The following CCM2 variants were observed in gnomAD, a reference collection of about 807,000 sequenced individuals.
The protein encoded by CCM2 is cerebral cavernous malformations 2 protein.
CCM2 carries 25 observed loss-of-function variants against 44.9 expected under a neutral mutation model. The ratio of observed to expected loss-of-function variants is 0.56; its 90% CI spans 0.41 to 0.78. The LOEUF (loss-of-function observed/expected upper bound fraction) is 0.78. CCM2 is among the 30% of genes least tolerant of loss of function. CCM2 has a pLI of 0.00. For synonymous variants in CCM2, 219 were observed against 241.1 expected (o/e 0.91, Z 0.85); for missense variants, 481 against 580.6 (o/e 0.83, Z 1.76).
intron 8 of CCM2, chr7:45,073,966 A>G: frequency 1.8e-6 from 1 of 546,904 alleles, no homozygotes; most frequent in East Asian, 3.2e-5. Context: ...GGGCACAGGC[A>G]TTGGCCCCGG....
chr7:45,061,182 A>T (rs1372544858), intron 2 of CCM2, among the ~76,000 whole-genome samples: 1 of 152,104 alleles, frequency 6.6e-6, no homozygotes, highest in African/African-American at 2.4e-5. Flanking sequence ...GGTCCTGTTG[A>T]TGTGGCTTTC....
chr7:45,034,401 C>T lies in CCM2; in HGVS notation c.31-3852C>T, dbSNP rs1340754970. Among the ~76,000 whole-genome samples, 48 of 150,998 alleles carry T rather than the reference C, an allele frequency of 3.2e-4. 1 individual carries two copies. The highest frequency in any genetic ancestry group is 2.8e-3 in the Admixed American group (43 of 15,142). On this transcript the variant is annotated intron_variant, in intron 1 of 9. Transcript: ENST00000258781. ...TAATTTTTGGTATTTTAAGTAGTGACGGGGTTTCACCATCTTGGCCAGGCT... is the reference window on the plus strand; with the variant it reads ...TAATTTTTGGTATTTTAAGTAGTGATGGGGTTTCACCATCTTGGCCAGGCT...
chr7:45,049,911 C>T (rs533656007), intron 2 of CCM2, among the ~76,000 whole-genome samples: 28 of 152,256 alleles, frequency 1.8e-4, no homozygotes, highest in Non-Finnish European at 3.2e-4. Context: ...TTAAAAAATA[C>T]AGTGTAACAA....
intron 1 of CCM2, among the ~76,000 whole-genome samples, chr7:45,033,877 A>G (rs1450798201): frequency 6.6e-6 from 1 of 152,188 alleles, no homozygotes; most frequent in East Asian, 1.9e-4. Context: ...GTTTTTAGTG[A>G]GGCTAGAGAA....
intron 1 of CCM2, among the ~76,000 whole-genome samples, chr7:45,031,990 A>G (rs1796991498): frequency 6.6e-6 from 1 of 151,934 alleles, no homozygotes; most frequent in Non-Finnish European, 1.5e-5. Context: ...TGTCCCTCCT[A>G]CCACCCCCTG....
At chr7:45,037,759 C>T (rs1797295630) in intron 1 of CCM2, among the ~76,000 whole-genome samples, 2 of 152,114 alleles carry the variant, frequency 1.3e-5, no homozygotes, top group African/African-American at 2.4e-5. Context: ...TCAACACACT[C>T]AGTGTCCCCA....
intron 2 of CCM2, among the ~76,000 whole-genome samples, chr7:45,042,447 C>T (rs775454730): frequency 5.9e-5 from 9 of 152,110 alleles, no homozygotes; most frequent in South Asian, 2.1e-4. Context: ...GCTGAGCAAA[C>T]GCCAAACAAG....
At chr7:45,024,995 C>G (rs1264074656) in intron 1 of CCM2, among the ~76,000 whole-genome samples, 1 of 152,160 alleles carries the variant, frequency 6.6e-6, no homozygotes, top group Non-Finnish European at 1.5e-5. Flanking sequence ...AACTGTTAGA[C>G]TCGATGGACC....
intron 2 of CCM2, among the ~76,000 whole-genome samples, chr7:45,059,653 G>A (rs906131414): frequency 5.9e-5 from 9 of 152,020 alleles, no homozygotes; most frequent in African/African-American, 2.2e-4. Context: ...TGGGAGGATC[G>A]CTTCAGCCTG....
At position 45,007,487 on chromosome 7, in the gene CCM2, T is replaced by C. The variant is rs577437149; in HGVS notation, c.30+7124T>C. Among the ~76,000 whole-genome samples, 45 of 152,342 alleles carry C rather than the reference T, an allele frequency of 3.0e-4. 2 individuals carry two copies. The highest frequency in any genetic ancestry group is 9.6e-4 in the African/African-American group (40 of 41,582). ...AATGGAACCATTAGGATTTTTTGTT[T>C]GTTTGTTTTGTAAAAATAAGAACTT... On this transcript the variant is annotated intron_variant, in intron 1 of 9. Coordinates refer to ENST00000258781, the MANE Select transcript of CCM2 (RefSeq NM_031443.4).
intron 2 of CCM2, among the ~76,000 whole-genome samples, chr7:45,055,644 C>T (rs1798222150): frequency 6.6e-6 from 1 of 152,130 alleles, no homozygotes; most frequent in Admixed American, 6.5e-5. Flanking sequence ...GCTGAGATCG[C>T]ACCACTGCAC....
chr7:45,061,122 A>G (rs1281714917), intron 2 of CCM2, among the ~76,000 whole-genome samples: 1 of 152,028 alleles, frequency 6.6e-6, no homozygotes, highest in Non-Finnish European at 1.5e-5. Flanking sequence ...TCTTAAATAG[A>G]GTCTGAGGCC....
chr7:45,001,059 C>T (rs551320174), intron 1 of CCM2, among the ~76,000 whole-genome samples: 6 of 152,304 alleles, frequency 3.9e-5, no homozygotes, highest in Non-Finnish European at 8.8e-5. Context: ...GCTTTATAAT[C>T]TTCACGTCTT....
rs141057892 is a variant in CCM2 at position 45,075,967 on chromosome 7, C to T, written c.1245C>T (p.Pro415=). The T allele has an allele frequency of 1.6e-4, 264 of 1,613,062 alleles. 1 individual carries two copies. The highest frequency in any genetic ancestry group is 2.2e-4 in the Non-Finnish European group (257 of 1,180,036). The part of the protein sequence containing the change: ...ATGSSDDRSA[P]SEGDEWDRMI... ...GCAGCTCTGATGACCGGTCGGCACC[C>T]TCAGAGGGGGATGAGTGGGACCGCA... is the stretch of plus-strand genomic sequence containing the variant. Residue 415 remains proline (P), a synonymous_variant, in exon 10 of 10, where the codon CCC becomes CCT. Transcript: ENST00000258781.
chr7:45,064,751 G>A (rs920511825), intron 4 of CCM2, 105 bp downstream of exon 4: 1 of 1,159,880 alleles, frequency 8.6e-7, no homozygotes, highest in East Asian at 2.5e-5. Context: ...GGGTGCTGCT[G>A]TTTGTCACGA....
intron 2 of CCM2, among the ~76,000 whole-genome samples, chr7:45,050,497 AC>A (rs1200856584): frequency 6.6e-6 from 1 of 152,210 alleles, no homozygotes; most frequent in Non-Finnish European, 1.5e-5. Context: ...ATACTGAGGG[AC>A]AACTGTACCT....
intron 2 of CCM2, among the ~76,000 whole-genome samples, chr7:45,055,164 C>T (rs1798200104): frequency 6.6e-6 from 1 of 152,132 alleles, no homozygotes. Context: ...CGTGTCACCC[C>T]AGCCACAGGG....
intron 1 of CCM2, among the ~76,000 whole-genome samples, chr7:45,016,977 G>A (rs1053044298): frequency 7.8e-4 from 118 of 151,292 alleles, no homozygotes; most frequent in African/African-American, 2.8e-3. Context: ...CACCATGTTA[G>A]CCAGGATGGT....
intron 2 of CCM2, among the ~76,000 whole-genome samples, chr7:45,055,056 C>T (rs1457524019): frequency 6.6e-6 from 1 of 152,204 alleles, no homozygotes; most frequent in African/African-American, 2.4e-5. Flanking sequence ...AAAGTAGAAT[C>T]GTGAATCCTC....
Sources: allele counts gnomAD v4.1 joint callset (sites outside exome capture counted in the v4.1 genomes callset), GRCh38; gene constraint gnomAD v4.1.1; transcripts MANE v1.5; gene names NCBI Gene and HGNC (gene_info 2026-07-23, HGNC 2026-07-21).